Variants in STK3 observed in about 807,000 individuals in gnomAD.
STK3 encodes the protein serine/threonine-protein kinase 3.
A neutral mutation model predicts 58.0 loss-of-function variants in STK3; 41 were observed. The ratio of observed to expected loss-of-function variants is 0.71; its 90% confidence interval spans 0.55 to 0.92. STK3 has a LOEUF of 0.92. Ranked by LOEUF, STK3 falls within the 40% of genes least tolerant of loss-of-function variation. STK3 has a pLI of 0.00. For synonymous variants in STK3, 170 were observed against 191.0 expected (o/e 0.89, Z 0.91); for missense variants, 479 against 602.7 (o/e 0.79, Z 2.15).
Position 98,739,445 on chromosome 8 carries a change from G to A in STK3, c.351+9831C>T, listed in dbSNP as rs564269814. ...CAGCATTCGCGGTTCATGAAAATCC[G>A]CTGTTCTGCAGCCACCGCTGCTGGT... On this transcript the variant is annotated intron_variant, in intron 4 of 10. Coordinates refer to ENST00000419617, the MANE Select transcript of STK3 (RefSeq NM_006281.4). Among the ~76,000 whole-genome samples the A allele has an allele frequency of 7.3e-5, 11 of 150,856 alleles. No individual in the cohort carries two copies. In the South Asian group the frequency reaches 1.1e-3, roughly 14 times the overall value.
At chr8:98,583,407 G>A (rs1814111209) in intron 7 of STK3, among the ~76,000 whole-genome samples, 2 of 148,094 alleles carry the variant, frequency 1.4e-5, no homozygotes, top group South Asian at 4.4e-4. Context: ...TTCTTTCCAA[G>A]TGATTTTTAT....
At chr8:98,401,686 T>G (rs1254289609) in intron 3 of STK3, among the ~76,000 whole-genome samples, 2 of 152,254 alleles carry the variant, frequency 1.3e-5, no homozygotes, top group African/African-American at 2.4e-5. Flanking sequence ...TAAGATTATG[T>G]TGCCGACCAC....
chr8:98,937,689 A>G (rs1374896545), intron 1 of STK3, among the ~76,000 whole-genome samples: 1 of 152,230 alleles, frequency 6.6e-6, no homozygotes, highest in African/African-American at 2.4e-5. Flanking sequence ...TATGTGCCTT[A>G]TTAGTCGGTA....
At chr8:98,588,610 C>A (rs946516812) in intron 7 of STK3, among the ~76,000 whole-genome samples, 2 of 152,038 alleles carry the variant, frequency 1.3e-5, no homozygotes, top group South Asian at 4.2e-4. Flanking sequence ...ATCTTTATGG[C>A]GTTCTCTGTA....
intron 6 of STK3, among the ~76,000 whole-genome samples, chr8:98,652,720 T>G (rs56048656): frequency 6.8e-6 from 1 of 147,868 alleles, no homozygotes; most frequent in African/African-American, 2.5e-5. Context: ...CAACAAAGAT[T>G]AAAAGAGACA....
At chr8:98,651,298 A>G (rs570225082) in intron 6 of STK3, among the ~76,000 whole-genome samples, 1 of 152,340 alleles carries the variant, frequency 6.6e-6, no homozygotes, top group South Asian at 2.1e-4. Context: ...GTAGGAAGGA[A>G]AACTAACAAA....
At chr8:98,502,021 T>A (rs1823643935) in intron 10 of STK3, among the ~76,000 whole-genome samples, 1 of 152,246 alleles carries the variant, frequency 6.6e-6, no homozygotes, top group African/African-American at 2.4e-5. Context: ...ACAATATTGA[T>A]GCCTCCTATC....
chr8:98,720,707 C>T, intron 4 of STK3, among the ~76,000 whole-genome samples: 1 of 140,790 alleles, frequency 7.1e-6, no homozygotes. Context: ...GCATAGATCA[C>T]ACCACTGCAC....
At chr8:98,864,811 T>C (rs1356222157) in intron 3 of STK3, among the ~76,000 whole-genome samples, 1 of 152,230 alleles carries the variant, frequency 6.6e-6, no homozygotes, top group Non-Finnish European at 1.5e-5. Context: ...TACGGTAAAC[T>C]CTGGCCTATT....
intron 8 of STK3, among the ~76,000 whole-genome samples, chr8:98,551,188 A>G (rs1811139051): frequency 6.6e-6 from 1 of 152,176 alleles, no homozygotes; most frequent in South Asian, 2.1e-4. Flanking sequence ...TCAAGTATCT[A>G]CTACTTCCAT....
intron 3 of STK3, chr8:98,431,161 T>C (rs778135373): frequency 1.2e-5 from 2 of 167,110 alleles, no homozygotes; most frequent in Non-Finnish European, 2.9e-5. Context: ...ACTTACCTCA[T>C]TGGAGGTGTG....
intron 9 of STK3, among the ~76,000 whole-genome samples, chr8:98,535,845 T>C (rs2131530478): frequency 1.3e-5 from 2 of 152,152 alleles, no homozygotes; most frequent in Middle Eastern, 3.4e-3. Context: ...TAATCTTCTA[T>C]AAAAACCTTC....
At chr8:98,691,405 A>C (rs1824392513) in intron 6 of STK3, among the ~76,000 whole-genome samples, 1 of 152,202 alleles carries the variant, frequency 6.6e-6, no homozygotes, top group African/African-American at 2.4e-5. Flanking sequence ...ATTTGCATAG[A>C]AACAGTGAAA....
intron 1 of STK3, among the ~76,000 whole-genome samples, chr8:98,922,051 C>T (rs898185983): frequency 4.6e-5 from 7 of 152,124 alleles, no homozygotes; most frequent in South Asian, 4.1e-4. Context: ...GGAAAGCACC[C>T]TTGCAGCTAG....
chr8:98,652,239 T>A (rs1376160360), intron 6 of STK3, among the ~76,000 whole-genome samples: 1 of 152,184 alleles, frequency 6.6e-6, no homozygotes, highest in Non-Finnish European at 1.5e-5. Flanking sequence ...CTAAGCTTCA[T>A]AAGTGAAGGA....
intron 1 of STK3, among the ~76,000 whole-genome samples, chr8:98,922,676 G>C (rs942059808): frequency 6.6e-6 from 1 of 152,220 alleles, no homozygotes; most frequent in African/African-American, 2.4e-5. Flanking sequence ...ACAAGGCACT[G>C]CTGATCGCTG....
At chr8:98,930,142 C>A (rs1839954478) in intron 1 of STK3, among the ~76,000 whole-genome samples, 1 of 152,134 alleles carries the variant, frequency 6.6e-6, no homozygotes, top group South Asian at 2.1e-4. Context: ...CTAATTATGT[C>A]CCTGTAAGCT....
At chr8:98,864,197 CAAAAAAAAAAAAAA>C (rs35196007) in intron 3 of STK3, among the ~76,000 whole-genome samples, 1 of 37,446 alleles carries the variant, frequency 2.7e-5, no homozygotes, top group African/African-American at 1.3e-4. Context: ...GACTCCTTCT[CAAAAAAAAAAAAAA>C]AAAAAAAAAA....
At chr8:98,792,052 A>G (rs2131583512) in intron 1 of STK3, among the ~76,000 whole-genome samples, 1 of 152,336 alleles carries the variant, frequency 6.6e-6, no homozygotes, top group East Asian at 1.9e-4. Flanking sequence ...AATCTTCACA[A>G]TCTATACATC....
Sources: gnomAD v4.1 joint callset for allele counts (sites outside exome capture counted in the v4.1 genomes callset) on GRCh38, gnomAD v4.1.1 for gene constraint, MANE v1.5 for transcripts, NCBI Gene and HGNC (gene_info 2026-07-23, HGNC 2026-07-21) for gene names.